Variants in YAP1 observed in about 807,000 individuals in gnomAD.
YAP1 encodes transcriptional coactivator YAP1.
Under a neutral mutation model 56.9 loss-of-function variants are expected in YAP1, and 5 were observed. That is an observed-to-expected ratio of 0.09 (90% confidence interval 0.05 to 0.18). The LOEUF is 0.18. Ranked by LOEUF, YAP1 falls within the 10% of genes least tolerant of loss-of-function variation. The pLI, the probability that YAP1 is intolerant of heterozygous loss-of-function variation, is 1.00. For synonymous variants in YAP1, 265 were observed against 248.1 expected, an observed-to-expected ratio of 1.07 and a Z score of -0.64; for missense variants, 539 against 651.8, an observed-to-expected ratio of 0.83 and a Z score of 1.88.
chr11:102,181,954 G>A (rs1002235150), intron 3 of YAP1, among the ~76,000 whole-genome samples: 4 of 152,138 alleles, frequency 2.6e-5, no homozygotes, highest in African/African-American at 9.7e-5. Flanking sequence ...CTGAGTAGCT[G>A]GGATTACAGG....
intron 3 of YAP1, among the ~76,000 whole-genome samples, chr11:102,175,860 G>C (rs1185306786): frequency 6.6e-6 from 1 of 152,120 alleles, no homozygotes; most frequent in African/African-American, 2.4e-5. Flanking sequence ...AAGTTTCTGG[G>C]ATCACCATTC....
chr11:102,212,294 T>C (rs2135635789), intron 6 of YAP1, among the ~76,000 whole-genome samples: 1 of 152,366 alleles, frequency 6.6e-6, no homozygotes, highest in East Asian at 1.9e-4. Flanking sequence ...TATGAATTAC[T>C]ACAGAAGCTG....
chr11:102,206,159 A>G, intron 5 of YAP1, 85 bp downstream of exon 5: 2 of 1,479,368 alleles, frequency 1.4e-6, no homozygotes, highest in Non-Finnish European at 1.8e-6. Flanking sequence ...AACATTTATT[A>G]GTTACAGAGG....
intron 4 of YAP1, among the ~76,000 whole-genome samples, chr11:102,194,341 T>C (rs562678823): frequency 6.6e-6 from 1 of 152,304 alleles, no homozygotes; most frequent in Non-Finnish European, 1.5e-5. Context: ...TCAGATTCTG[T>C]TTTGTTTTGT....
intron 2 of YAP1, among the ~76,000 whole-genome samples, chr11:102,117,684 G>A (rs1191764966): frequency 6.6e-6 from 1 of 152,218 alleles, no homozygotes; most frequent in Non-Finnish European, 1.5e-5. Flanking sequence ...ACTTTGGCAA[G>A]TGATACGGTG....
intron 2 of YAP1, among the ~76,000 whole-genome samples, chr11:102,159,282 G>T (rs1232338688): frequency 6.6e-6 from 1 of 152,136 alleles, no homozygotes; most frequent in African/African-American, 2.4e-5. Context: ...TACCCAGGGC[G>T]CAGTGCTCAG....
chr11:102,147,278 A>C (rs1945379624), intron 2 of YAP1, among the ~76,000 whole-genome samples: 1 of 152,128 alleles, frequency 6.6e-6, no homozygotes, highest in South Asian at 2.1e-4. Flanking sequence ...CCACATGAGG[A>C]TTTATAGTGT....
rs193119399 is a variant in YAP1 at position 102,155,088 on chromosome 11, A to G, written c.573-7368A>G. On this transcript the variant is annotated intron_variant, in intron 2 of 8. Transcript: ENST00000282441. Reference sequence around the variant, plus strand: ...AGGTTCAGAAAAGTCAAATTACTTCACTGAGATTGGGTAACCTAACTCCCA... The same window carrying G: ...AGGTTCAGAAAAGTCAAATTACTTCGCTGAGATTGGGTAACCTAACTCCCA... Among the ~76,000 whole-genome samples the G allele has an allele frequency of 2.6e-5, 4 of 152,292 alleles. No homozygotes were observed. The East Asian group carries it at 7.7e-4, about 29-fold the overall frequency.
chr11:102,149,174 C>T (rs574562234), intron 2 of YAP1, among the ~76,000 whole-genome samples: 90 of 152,250 alleles, frequency 5.9e-4, no homozygotes, highest in African/African-American at 2.0e-3. Context: ...CTAAAGGCAA[C>T]AAATTGAAGA....
At chr11:102,216,079 C>T (rs914376490) in intron 6 of YAP1, among the ~76,000 whole-genome samples, 19 of 152,164 alleles carry the variant, frequency 1.2e-4, no homozygotes, top group African/African-American at 4.6e-4. Flanking sequence ...GGAAAGTATC[C>T]TACTCCATGC....
At chr11:102,112,416 T>TTTC (rs1193844585) in intron 1 of YAP1, 65 of 977,816 alleles carry the variant, frequency 6.6e-5, no homozygotes, top group African/African-American at 3.1e-4. Context: ...TTCTTTTTTA[T>TTTC]TTCTTCTTCT....
chr11:102,140,086 TC>T (rs1238527519), intron 2 of YAP1, among the ~76,000 whole-genome samples: 1 of 152,174 alleles, frequency 6.6e-6, no homozygotes, highest in African/African-American at 2.4e-5. Context: ...TTAGAACCTT[TC>T]CACTTTTTGG....
intron 2 of YAP1, among the ~76,000 whole-genome samples, chr11:102,142,845 T>C (rs1565452649): frequency 1.3e-5 from 2 of 152,236 alleles, no homozygotes; most frequent in African/African-American, 4.8e-5. Flanking sequence ...TCAAACTTTT[T>C]TAGTAATTGA....
At chr11:102,126,602 G>T (rs1015841956) in intron 2 of YAP1, among the ~76,000 whole-genome samples, 3 of 152,166 alleles carry the variant, frequency 2.0e-5, no homozygotes, top group African/African-American at 7.2e-5. Flanking sequence ...CAATTAAACC[G>T]CTTTTTCTTC....
At chr11:102,111,190 C>T (rs771261725) in intron 1 of YAP1, 21 bp downstream of exon 1, 18 of 1,609,768 alleles carry the variant, frequency 1.1e-5, no homozygotes, top group African/African-American at 4.0e-5. Flanking sequence ...TGCCCCTCTC[C>T]CCGTTTCCCC....
chr11:102,195,247 G>T (rs1195660706), intron 4 of YAP1, among the ~76,000 whole-genome samples: 1 of 152,122 alleles, frequency 6.6e-6, no homozygotes, highest in African/African-American at 2.4e-5. Context: ...TGCTTGATGA[G>T]GTGATGAGGA....
In YAP1 at chr11:102,110,659, G is replaced by T. The variant is rs1942832080; in HGVS notation, c.-190G>T. The T allele has an allele frequency of 3.0e-6, 1 of 337,818 alleles. No homozygotes were observed. Among genetic ancestry groups the T allele is most frequent in the South Asian group, 1.3e-4 (1 of 7,486 alleles). The allele number at this position is 337,818 out of a possible 1,614,324, so 20.9% of individuals were successfully genotyped here. On this transcript the variant is annotated 5_prime_UTR_variant, in exon 1 of 9. The change creates a new upstream start codon in the 5' untranslated region. Transcript: ENST00000282441. ...GCCAGACCAGTGGAGCCGGGGCGCA[G>T]GGCGGGGGCGGAGGCGCCGGGGCGG...
At chr11:102,140,846 A>C (rs1280000882) in intron 2 of YAP1, among the ~76,000 whole-genome samples, 1 of 149,788 alleles carries the variant, frequency 6.7e-6, no homozygotes, top group East Asian at 1.9e-4. Context: ...CCATTTCCCA[A>C]AAAAAAAAAG....
intron 4 of YAP1, chr11:102,186,399 A>G (rs971698144): frequency 2.1e-5 from 7 of 329,408 alleles, no homozygotes; most frequent in Non-Finnish European, 3.3e-5. Flanking sequence ...TTCCTTTCAC[A>G]TTTTGGGAGA....
Sources: allele counts gnomAD v4.1 joint callset (sites outside exome capture counted in the v4.1 genomes callset), GRCh38; gene constraint gnomAD v4.1.1; transcripts MANE v1.5; gene names NCBI Gene and HGNC (gene_info 2026-07-23, HGNC 2026-07-21).